The following DRD3 variants were observed in gnomAD, a reference collection of about 807,000 sequenced individuals.
DRD3 encodes dopamine receptor D3.
A neutral mutation model predicts 36.3 loss-of-function variants in DRD3; 19 were observed. The observed-to-expected ratio is 0.52, with a 90% CI of 0.36 to 0.77. The LOEUF (loss-of-function observed/expected upper bound fraction) is 0.77, where lower values mean the gene tolerates loss of function less well. DRD3 is among the 30% of genes least tolerant of loss of function. DRD3 has a pLI of 0.00. For synonymous variants in DRD3, 195 were observed against 203.7 expected, an observed-to-expected ratio of 0.96 and a Z score of 0.36; for missense variants, 465 against 505.3, an observed-to-expected ratio of 0.92 and a Z score of 0.77.
intron 1 of DRD3, among the ~76,000 whole-genome samples, chr3:114,172,601 C>T (rs1344452733): frequency 6.6e-6 from 1 of 152,142 alleles, no homozygotes; most frequent in Non-Finnish European, 1.5e-5. Context: ...ATTGAAAGTA[C>T]CATGCTTGGA....
At chr3:114,196,396 C>G (rs1383181278) in intron 1 of DRD3, among the ~76,000 whole-genome samples, 5 of 152,060 alleles carry the variant, frequency 3.3e-5, no homozygotes, top group Non-Finnish European at 7.4e-5. Flanking sequence ...CTCACTGAAG[C>G]CTGCAGTTCC....
chr3:114,185,259 G>A (rs1230688751), intron 1 of DRD3, among the ~76,000 whole-genome samples: 2 of 152,070 alleles, frequency 1.3e-5, no homozygotes, highest in African/African-American at 4.8e-5. Flanking sequence ...ACTTGATGGT[G>A]TCTCCTATGT....
chr3:114,157,360 C>T (rs1409609320), intron 3 of DRD3, among the ~76,000 whole-genome samples: 2 of 151,902 alleles, frequency 1.3e-5, no homozygotes, highest in Non-Finnish European at 2.9e-5. Flanking sequence ...GGCCTCAATC[C>T]CCCTTTTCAA....
chr3:114,136,023 A>G (rs773908121), intron 5 of DRD3, among the ~76,000 whole-genome samples: 29 of 152,096 alleles, frequency 1.9e-4, no homozygotes, highest in Non-Finnish European at 4.0e-4. Context: ...ACTGGCACCT[A>G]CTGATCTTCT....
chr3:114,137,573 C>T (rs941896909), intron 5 of DRD3, among the ~76,000 whole-genome samples: 3 of 152,122 alleles, frequency 2.0e-5, no homozygotes, highest in African/African-American at 7.2e-5. Context: ...GGTCATCAGG[C>T]TGGGCACTTA....
At chr3:114,186,955 G>A (rs971117799) in intron 1 of DRD3, among the ~76,000 whole-genome samples, 2 of 152,178 alleles carry the variant, frequency 1.3e-5, no homozygotes, top group Non-Finnish European at 2.9e-5. Context: ...AGATATGGAA[G>A]TGTTATTATG....
At chr3:114,170,535 CT>C (rs2077829418) in intron 2 of DRD3, among the ~76,000 whole-genome samples, 1 of 130,122 alleles carries the variant, frequency 7.7e-6, no homozygotes, top group Non-Finnish European at 1.7e-5. Context: ...CAAGTATTCC[CT>C]TAGCCTTTAG....
chr3:114,197,042 G>T, intron 1 of DRD3, among the ~76,000 whole-genome samples: 1 of 147,750 alleles, frequency 6.8e-6, no homozygotes, highest in Non-Finnish European at 1.5e-5. Flanking sequence ...GTGCAGGTTA[G>T]TTACATATGT....
chr3:114,165,560 T>A (rs2077775803), intron 2 of DRD3, among the ~76,000 whole-genome samples: 1 of 152,210 alleles, frequency 6.6e-6, no homozygotes, highest in South Asian at 2.1e-4. Flanking sequence ...AAATTTCATC[T>A]CAGGGAAAAT....
chr3:114,180,751 T>C (rs1188155022), upstream of DRD3, among the ~76,000 whole-genome samples: 1 of 152,188 alleles, frequency 6.6e-6, no homozygotes, highest in Non-Finnish European at 1.5e-5. Context: ...CATAACTATA[T>C]TGAACATGCC....
chr3:114,148,868 A>T (rs1018023846), intron 3 of DRD3, among the ~76,000 whole-genome samples: 1 of 152,006 alleles, frequency 6.6e-6, no homozygotes, highest in Non-Finnish European at 1.5e-5. Context: ...GCCTGCCAAC[A>T]TGCCTGGCTA....
chr3:114,129,267 C>T lies in DRD3; in HGVS notation c.1007-355G>A, dbSNP rs187951379. On this transcript the variant is annotated intron_variant, in intron 6 of 6. Transcript: ENST00000383673. ...CTGGGGCAGGAGAGTTGCTTGAGCCCGGGAGGCAGAGGTTGTGGTGAGCCA... is the reference window on the plus strand; with the variant it reads ...CTGGGGCAGGAGAGTTGCTTGAGCCTGGGAGGCAGAGGTTGTGGTGAGCCA... Among the ~76,000 whole-genome samples the T allele has an allele frequency of 1.0e-3, 158 of 152,010 alleles. 2 individuals carry two copies. The highest frequency in any genetic ancestry group is 6.8e-3 in the Middle Eastern group (2 of 294).
chr3:114,131,213 C>T lies in DRD3; in HGVS notation c.911G>A (p.Gly304Asp). The change falls in exon 6 of 7, where the codon GGC becomes GAC. Residue 304 changes from glycine (G) to aspartate (D), a missense_variant. Transcript: ENST00000383673. ...CAGCTTCAAAGATGTCGATAATCTG[C>T]CATTGCTGAGTTTTCGAACTTCTAA... is the stretch of plus-strand genomic sequence containing the variant. ...LSLEVRKLSNGRLSTSLKLGP... is the reference protein window; with the variant it reads ...LSLEVRKLSNDRLSTSLKLGP... 1.9e-6 allele frequency: 3 copies of T among 1,614,192 alleles called. No individual in the cohort carries two copies. The highest frequency in any genetic ancestry group is 1.7e-6 in the Non-Finnish European group (2 of 1,180,036).
At chr3:114,163,946 G>C (rs768331895) in intron 2 of DRD3, among the ~76,000 whole-genome samples, 1 of 152,008 alleles carries the variant, frequency 6.6e-6, no homozygotes, top group Non-Finnish European at 1.5e-5. Flanking sequence ...GTGAAAAAAG[G>C]CCTGGTGTGG....
At chr3:114,182,963 A>T (rs1360802160), upstream of DRD3, among the ~76,000 whole-genome samples, 1 of 152,228 alleles carries the variant, frequency 6.6e-6, no homozygotes, top group Non-Finnish European at 1.5e-5. Context: ...ATAGGTGTTC[A>T]GATATCTTTT....
intron 2 of DRD3, among the ~76,000 whole-genome samples, chr3:114,170,638 C>A (rs904475028): frequency 8.5e-5 from 6 of 70,814 alleles, no homozygotes; most frequent in African/African-American, 3.4e-4. Flanking sequence ...GATCATAAGT[C>A]TAATTTTAGT....
At chr3:114,141,913 G>A (rs2077527858) in intron 4 of DRD3, among the ~76,000 whole-genome samples, 1 of 152,000 alleles carries the variant, frequency 6.6e-6, no homozygotes, top group Admixed American at 6.6e-5. Context: ...AGCCGGTGTG[G>A]TAGCACACAC....
rs886756536 is a variant in DRD3, at chr3:114,131,334, A to C, written c.790T>G (p.Leu264Val). 1.2e-6 allele frequency: 2 copies of C among 1,614,216 alleles called. No individual in the cohort carries two copies. Among genetic ancestry groups the C allele is most frequent in the African/African-American group, 1.3e-5 (1 of 75,044 alleles). Residue 264 changes from leucine (L) to valine (V), a missense_variant, in exon 6 of 7, where the codon TTG becomes GTG. Transcript: ENST00000383673. ...CTTTCTTGGAAGCCTGGTCCACCCA[A>C]GGCAGTGTCCTGGCAGATGCTGTAG... ...RYYSICQDTALGGPGFQERGG... is the reference protein window; with the variant it reads ...RYYSICQDTAVGGPGFQERGG...
intron 1 of DRD3, among the ~76,000 whole-genome samples, chr3:114,189,462 A>G (rs2077992341): frequency 6.6e-6 from 1 of 152,192 alleles, no homozygotes; most frequent in African/African-American, 2.4e-5. Flanking sequence ...GGAATAAATA[A>G]ATTCTATGAT....
Sources: allele counts gnomAD v4.1 joint callset (sites outside exome capture counted in the v4.1 genomes callset), GRCh38; gene constraint gnomAD v4.1.1; transcripts MANE v1.5; gene names NCBI Gene and HGNC (gene_info 2026-07-23, HGNC 2026-07-21).